JAM3: variants seen among roughly 807,000 people sequenced by gnomAD.
JAM3 encodes the protein junctional adhesion molecule 3.
A neutral mutation model predicts 39.4 loss-of-function variants in JAM3; 31 were observed. The ratio of observed to expected loss-of-function variants is 0.79; its 90% confidence interval spans 0.59 to 1.06. The LOEUF is 1.06. Ranked by LOEUF, JAM3 falls within the 50% of genes least tolerant of loss-of-function variation. The probability of loss-of-function intolerance (pLI) is 0.00; values close to 1 mark genes in which losing one functional copy is unlikely to be tolerated. For missense variants in JAM3, 455 were observed against 391.4 expected (o/e 1.16, Z -1.37); for synonymous variants, 182 against 148.7 (o/e 1.22, Z -1.63).
chr11:134,116,302 A>G (rs566126928), intron 1 of JAM3, among the ~76,000 whole-genome samples: 14 of 152,318 alleles, frequency 9.2e-5, no homozygotes, highest in Non-Finnish European at 1.8e-4. Flanking sequence ...AGCAGTTATT[A>G]CTATGGTGTT....
chr11:134,148,750 T>C lies in JAM3; in HGVS notation c.843-14T>C, dbSNP rs1418801393. 3.1e-6 allele frequency: 5 copies of C among 1,614,020 alleles called. No homozygotes were observed. The stretch of plus-strand genomic sequence containing the variant: ...TAACAACCCTGTTGCTAAACTGCTC[T>C]CTTCTCCTCATAGTTACAAGAACCC... On this transcript the variant is annotated splice_polypyrimidine_tract_variant and intron_variant, in intron 7 of 8. Coordinates refer to ENST00000299106, the MANE Select transcript of JAM3 (RefSeq NM_032801.5).
intron 1 of JAM3, among the ~76,000 whole-genome samples, chr11:134,072,379 CACTG>C (rs1447496142): frequency 9.3e-4 from 139 of 150,182 alleles, no homozygotes; most frequent in Non-Finnish European, 1.4e-3. Context: ...CTGCAAAACT[CACTG>C]CAAAACTCCG....
chr11:134,115,667 T>C (rs886599423), intron 1 of JAM3, among the ~76,000 whole-genome samples: 1 of 151,892 alleles, frequency 6.6e-6, no homozygotes, highest in Non-Finnish European at 1.5e-5. Context: ...TTTTGGAGAA[T>C]GAGGTGGGAA....
intron 1 of JAM3, among the ~76,000 whole-genome samples, chr11:134,132,816 C>G (rs1014549147): frequency 3.3e-5 from 5 of 152,160 alleles, no homozygotes; most frequent in Admixed American, 3.3e-4. Context: ...GACTGGGCCC[C>G]ATAGAGTTTT....
chr11:134,069,219 G>C, intron 1 of JAM3, 60 bp downstream of exon 1: 1 of 1,576,950 alleles, frequency 6.3e-7, no homozygotes, highest in Non-Finnish European at 8.6e-7. Context: ...GAAGCAGAGC[G>C]GGCCGAAGCT....
chr11:134,134,730 A>C (rs1942832508), intron 1 of JAM3, among the ~76,000 whole-genome samples: 1 of 152,222 alleles, frequency 6.6e-6, no homozygotes, highest in Admixed American at 6.5e-5. Context: ...GTGGTATCTC[A>C]TTGTGGTTTA....
At chr11:134,106,785 C>T (rs1942199263) in intron 1 of JAM3, among the ~76,000 whole-genome samples, 1 of 152,174 alleles carries the variant, frequency 6.6e-6, no homozygotes, top group Non-Finnish European at 1.5e-5. Flanking sequence ...CAATGAGATA[C>T]CATCTCACAC....
At chr11:134,075,821 C>A (rs964801360) in intron 1 of JAM3, among the ~76,000 whole-genome samples, 1 of 152,152 alleles carries the variant, frequency 6.6e-6, no homozygotes, top group African/African-American at 2.4e-5. Context: ...CTTATCCATT[C>A]AAATATCACC....
intron 4 of JAM3, 33 bp from the exon 5 acceptor site, chr11:134,144,759 G>A: frequency 6.4e-7 from 1 of 1,554,806 alleles, no homozygotes; most frequent in Admixed American, 1.7e-5. Flanking sequence ...CCCTGTCACT[G>A]AGATCTTAAA....
intron 6 of JAM3, among the ~76,000 whole-genome samples, chr11:134,147,190 C>A (rs950973628): frequency 2.6e-5 from 4 of 151,978 alleles, no homozygotes; most frequent in Non-Finnish European, 2.9e-5. Flanking sequence ...CGTGGTGGCT[C>A]ACACTATAAT....
chr11:134,095,885 C>G (rs1315488044), intron 1 of JAM3, among the ~76,000 whole-genome samples: 2 of 152,156 alleles, frequency 1.3e-5, no homozygotes, highest in African/African-American at 4.8e-5. Flanking sequence ...TGTTTTTGTC[C>G]TTGACTTGCA....
Position 134,149,241 on chromosome 11 carries a change from CCT to C in JAM3, c.*61_*62del, listed in dbSNP as rs1340073360. ...CGTGCACATACCTCTGCTAGAAACTCCTGTCAAGGCAGCGAGAGCTGATGCAC... is the reference window on the plus strand; with the variant it reads ...CGTGCACATACCTCTGCTAGAAACTCGTCAAGGCAGCGAGAGCTGATGCAC... On this transcript the variant is annotated 3_prime_UTR_variant, in exon 9 of 9. Coordinates refer to ENST00000299106, the MANE Select transcript of JAM3 (RefSeq NM_032801.5). 6.2e-7 allele frequency: 1 copy of C among 1,604,288 alleles called. No homozygotes were observed. Among genetic ancestry groups the C allele is most frequent in the African/African-American group, 1.3e-5 (1 of 74,760 alleles).
At chr11:134,074,186 G>C (rs1379005083) in intron 1 of JAM3, among the ~76,000 whole-genome samples, 1 of 152,226 alleles carries the variant, frequency 6.6e-6, no homozygotes, top group African/African-American at 2.4e-5. Flanking sequence ...GAACCAGACT[G>C]TTGATAGGGG....
At chr11:134,094,287 G>A (rs1263332807) in intron 1 of JAM3, among the ~76,000 whole-genome samples, 2 of 131,640 alleles carry the variant, frequency 1.5e-5, no homozygotes, top group African/African-American at 5.8e-5. Context: ...CCTGAGGGAA[G>A]CTTCTCCTGA....
intron 1 of JAM3, among the ~76,000 whole-genome samples, chr11:134,125,422 C>G (rs1002855261): frequency 6.6e-6 from 1 of 152,216 alleles, no homozygotes; most frequent in South Asian, 2.1e-4. Context: ...CCTTTTCGTA[C>G]AGATCCTCTT....
At chr11:134,125,921 T>G (rs1454273065) in intron 1 of JAM3, among the ~76,000 whole-genome samples, 1 of 152,192 alleles carries the variant, frequency 6.6e-6, no homozygotes, top group Non-Finnish European at 1.5e-5. Flanking sequence ...TTCAGCAGAA[T>G]AGTCAACTGA....
intron 1 of JAM3, among the ~76,000 whole-genome samples, chr11:134,118,934 T>C (rs185457655): frequency 1.3e-5 from 2 of 152,016 alleles, no homozygotes; most frequent in Non-Finnish European, 2.9e-5. Context: ...TCTGGTGTTA[T>C]CTGACTGGAT....
At chr11:134,088,450 A>G (rs1464085689) in intron 1 of JAM3, among the ~76,000 whole-genome samples, 1 of 151,698 alleles carries the variant, frequency 6.6e-6, no homozygotes, top group Non-Finnish European at 1.5e-5. Flanking sequence ...TTGTATCTGT[A>G]TCAATCCCAA....
chr11:134,139,684 G>T (rs1263382293), intron 1 of JAM3, 167 bp from the exon 2 acceptor site: 2 of 652,870 alleles, frequency 3.1e-6, no homozygotes, highest in East Asian at 5.5e-5. Context: ...ATTTGAGAGA[G>T]AAAGCAGTTA....
Sources: allele counts gnomAD v4.1 joint callset (sites outside exome capture counted in the v4.1 genomes callset), GRCh38; gene constraint gnomAD v4.1.1; transcripts MANE v1.5; gene names NCBI Gene and HGNC (gene_info 2026-07-23, HGNC 2026-07-21).